The following KPNA6 variants were observed in gnomAD, a reference collection of about 807,000 sequenced individuals.
KPNA6 encodes the protein importin subunit alpha-7.
In KPNA6, 9 loss-of-function variants were observed where a neutral mutation model predicts 72.0. That is an observed-to-expected ratio of 0.13 (90% CI 0.08 to 0.22). The LOEUF is 0.22. Ranked by LOEUF, KPNA6 falls within the 10% of genes least tolerant of loss-of-function variation. The pLI, the probability that KPNA6 is intolerant of heterozygous loss-of-function variation, is 1.00. For missense variants in KPNA6, 374 were observed against 655.7 expected, an observed-to-expected ratio of 0.57 and a Z score of 4.69; for synonymous variants, 219 against 242.1, an observed-to-expected ratio of 0.90 and a Z score of 0.89.
At chr1:32,163,435 G>A in intron 10 of KPNA6, 122 bp downstream of exon 10, 1 of 684,470 alleles carries the variant, frequency 1.5e-6, no homozygotes. Flanking sequence ...TATGGTCTAA[G>A]GAAGTAAGTG....
intron 1 of KPNA6, among the ~76,000 whole-genome samples, chr1:32,116,008 T>C (rs1333989114): frequency 6.6e-6 from 1 of 151,802 alleles, no homozygotes; most frequent in Non-Finnish European, 1.5e-5. Context: ...CCTCCCAAAG[T>C]CTTGGGATTA....
At chr1:32,142,830 T>G in intron 1 of KPNA6, 1 of 610,180 alleles carries the variant, frequency 1.6e-6, no homozygotes, top group South Asian at 2.0e-5. Flanking sequence ...GTGCAGATGT[T>G]CCTCCTTCCA....
intron 1 of KPNA6, among the ~76,000 whole-genome samples, chr1:32,133,283 G>A (rs1641673318): frequency 6.6e-6 from 1 of 151,928 alleles, no homozygotes; most frequent in African/African-American, 2.4e-5. Context: ...GGTTGAGGCG[G>A]CAGTGAGCCA....
chr1:32,137,245 C>T (rs1345849231), intron 1 of KPNA6, among the ~76,000 whole-genome samples: 2 of 152,118 alleles, frequency 1.3e-5, no homozygotes, highest in Non-Finnish European at 2.9e-5. Flanking sequence ...GATACCAGCA[C>T]GGCTCACTGT....
chr1:32,155,110 C>CAAAAAAAAAAAAAAAAACAAAAA (rs1642112901), intron 2 of KPNA6, among the ~76,000 whole-genome samples: 1 of 54,230 alleles, frequency 1.8e-5, no homozygotes. Context: ...AACTCCATCT[C>CAAAAAAAAAAAAAAAAACAAAAA]AAAAAAAAAA....
intron 6 of KPNA6, 44 bp from the exon 7 acceptor site, chr1:32,160,571 A>T: frequency 6.7e-7 from 1 of 1,487,948 alleles, no homozygotes; most frequent in Non-Finnish European, 9.4e-7. Context: ...TACTCACAGG[A>T]GTACCAAGCT....
chr1:32,140,810 C>T (rs1157012992), intron 1 of KPNA6, among the ~76,000 whole-genome samples: 1 of 152,146 alleles, frequency 6.6e-6, no homozygotes, highest in Non-Finnish European at 1.5e-5. Context: ...TTGTCATCAA[C>T]TTTATATTAA....
intron 10 of KPNA6, among the ~76,000 whole-genome samples, chr1:32,164,374 C>G (rs1269985767): frequency 6.6e-6 from 1 of 152,074 alleles, no homozygotes; most frequent in Non-Finnish European, 1.5e-5. Context: ...AATATTTGTT[C>G]AAGTCCCCGG....
chr1:32,135,411 T>C (rs1163591322), intron 1 of KPNA6, among the ~76,000 whole-genome samples: 1 of 152,114 alleles, frequency 6.6e-6, no homozygotes, highest in East Asian at 1.9e-4. Context: ...TTGGCCAGGC[T>C]GGTCTCAAAC....
intron 1 of KPNA6, among the ~76,000 whole-genome samples, chr1:32,113,524 C>T (rs1641276027): frequency 6.6e-6 from 1 of 152,162 alleles, no homozygotes; most frequent in East Asian, 1.9e-4. Flanking sequence ...CTATCAACAG[C>T]TCACTACAGC....
rs138760547 is a variant in KPNA6, at chr1:32,109,056, C to T, written c.4+922C>T. Among the ~76,000 whole-genome samples the T allele has an allele frequency of 1.6e-3, 237 of 152,294 alleles. 1 individual carries two copies. Among genetic ancestry groups the T allele is most frequent in the African/African-American group, 5.3e-3 (222 of 41,546 alleles). On this transcript the variant is annotated intron_variant, in intron 1 of 13. Transcript: ENST00000373625. The stretch of plus-strand genomic sequence containing the variant: ...TTTGTACAACCTAAGGAAATAGATG[C>T]TACCATTGCCATTTTACAGATGTGG...
intron 1 of KPNA6, among the ~76,000 whole-genome samples, chr1:32,123,343 A>G (rs577766421): frequency 6.5e-4 from 99 of 152,126 alleles, no homozygotes; most frequent in African/African-American, 2.2e-3. Context: ...GCCCTATGAC[A>G]TATTAACACT....
At chr1:32,164,036 G>A (rs986295286) in intron 10 of KPNA6, among the ~76,000 whole-genome samples, 6 of 152,088 alleles carry the variant, frequency 3.9e-5, no homozygotes, top group East Asian at 1.9e-4. Flanking sequence ...AACTGAAACC[G>A]TACACATTAA....
intron 1 of KPNA6, among the ~76,000 whole-genome samples, chr1:32,119,831 G>A (rs1298966045): frequency 1.3e-5 from 2 of 148,162 alleles, no homozygotes; most frequent in South Asian, 2.2e-4. Context: ...TATAACCTCC[G>A]CCTCCCGGGT....
At chr1:32,112,374 T>C (rs1445312876) in intron 1 of KPNA6, among the ~76,000 whole-genome samples, 1 of 152,190 alleles carries the variant, frequency 6.6e-6, no homozygotes, top group Non-Finnish European at 1.5e-5. Context: ...AAAGCAAATA[T>C]AATAAAGCAA....
chr1:32,162,456 T>C lies in KPNA6; in HGVS notation c.843T>C (p.Asp281=). Reference sequence around the variant, plus strand: ...GCTGGGCCCTTTCTTATCTGTCTGATGGCCCCAATGAGAAGATCCAGGCAG... The same window carrying C: ...GCTGGGCCCTTTCTTATCTGTCTGACGGCCCCAATGAGAAGATCCAGGCAG... The part of the protein sequence containing the change: ...DACWALSYLS[D]GPNEKIQAVI... Residue 281 remains aspartate, a synonymous_variant, in exon 9 of 14, where the codon GAT becomes GAC. Coordinates refer to ENST00000373625, the MANE Select transcript of KPNA6 (RefSeq NM_012316.5). The C allele has an allele frequency of 6.2e-7, 1 of 1,614,182 alleles. No homozygotes were observed. Among genetic ancestry groups the C allele is most frequent in the Non-Finnish European group, 8.5e-7 (1 of 1,180,028 alleles).
Position 32,170,886 on chromosome 1 carries a change from C to A in KPNA6, c.1603C>A (p.Gln535Lys), listed in dbSNP as rs1206726760. The A allele has an allele frequency of 1.9e-6, 3 of 1,613,980 alleles. No homozygotes were observed. The highest frequency in any genetic ancestry group is 1.7e-6 in the Non-Finnish European group (2 of 1,179,962). ...GCCTGAGGCCCCCATGGAGGGCTTC[C>A]AGCTATAATATCTGCCTCCAGGGAG... is the stretch of plus-strand genomic sequence containing the variant. The part of the protein sequence containing the change: ...QQPEAPMEGF[Q>K]L Residue 535 changes from glutamine to lysine, a missense_variant, in exon 14 of 14, where the codon CAG becomes AAG. Physicochemically the swap from Gln to Lys is moderately conservative, Grantham distance 53. This residue lies in a region of KPNA6 where 42 missense variants were observed against 49.8 expected (regional missense o/e 0.84). Transcript: ENST00000373625.
chr1:32,116,892 C>A (rs1557455571), intron 1 of KPNA6, among the ~76,000 whole-genome samples: 1 of 152,034 alleles, frequency 6.6e-6, no homozygotes, highest in African/African-American at 2.4e-5. Flanking sequence ...GGGAGAGAGA[C>A]TGTGGAATGG....
At chr1:32,153,768 G>A (rs975605122) in intron 1 of KPNA6, among the ~76,000 whole-genome samples, 4 of 152,260 alleles carry the variant, frequency 2.6e-5, no homozygotes, top group African/African-American at 9.6e-5. Context: ...ATATTTGTCA[G>A]TGGCAGTACT....
Sources: gnomAD v4.1 joint callset for allele counts (sites outside exome capture counted in the v4.1 genomes callset) on GRCh38, gnomAD v4.1.1 for gene constraint, gnomAD v4.1.1 regional missense constraint, MANE v1.5 for transcripts, NCBI Gene and HGNC (gene_info 2026-07-23, HGNC 2026-07-21) for gene names.